Variants in EPHA7 observed in about 807,000 individuals in gnomAD.
The protein encoded by EPHA7 is EPH receptor A7.
EPHA7 carries 25 observed loss-of-function variants against 112.6 expected under a neutral mutation model. The observed-to-expected ratio is 0.22, with a 90% CI of 0.16 to 0.31. EPHA7 has a LOEUF of 0.31. Among genes scored for constraint, EPHA7 ranks in the 10% least tolerant of loss-of-function variants. The pLI is 1.00. For synonymous variants in EPHA7, 437 were observed against 406.5 expected, an observed-to-expected ratio of 1.07 and a Z score of -0.90; for missense variants, 962 against 1,212.6, an observed-to-expected ratio of 0.79 and a Z score of 3.07.
In EPHA7 at chr6:93,243,823, A is replaced by G. The variant is rs566572570; in HGVS notation, c.2883-283T>C. 1.6e-4 allele frequency among the ~76,000 whole-genome samples: 25 copies of G among 152,234 alleles called. No individual in the cohort carries two copies. The East Asian group carries it at 4.6e-3, about 28-fold the overall frequency. ...AAGAAATTATTAAAGTCTTAAAACT[A>G]TTATTAACTTAAGGAAAGGTTAGGA... On this transcript the variant is annotated intron_variant, in intron 16 of 16. Coordinates refer to ENST00000369303, the MANE Select transcript of EPHA7 (RefSeq NM_004440.4).
At chr6:93,258,672 A>AT (rs939770659) in intron 10 of EPHA7, among the ~76,000 whole-genome samples, 61 of 148,146 alleles carry the variant, frequency 4.1e-4, no homozygotes, top group Non-Finnish European at 8.3e-4. Flanking sequence ...ATATTTAAAA[A>AT]TTTTTTTATA....
intron 5 of EPHA7, among the ~76,000 whole-genome samples, chr6:93,344,992 C>A (rs893099068): frequency 6.6e-6 from 1 of 151,574 alleles, no homozygotes; most frequent in Non-Finnish European, 1.5e-5. Context: ...TTAAGCCCTA[C>A]CACCATTCGA....
intron 3 of EPHA7, among the ~76,000 whole-genome samples, chr6:93,377,550 T>TG (rs1777123370): frequency 1.3e-5 from 2 of 148,558 alleles, no homozygotes; most frequent in Admixed American, 6.7e-5. Flanking sequence ...TTTGAAAAAC[T>TG]AAAAAAAAAA....
intron 2 of EPHA7, among the ~76,000 whole-genome samples, chr6:93,412,745 T>A (rs1779039039): frequency 6.6e-6 from 1 of 151,988 alleles, no homozygotes; most frequent in Non-Finnish European, 1.5e-5. Context: ...TAATGATATC[T>A]ACCAAAAAAT....
intron 5 of EPHA7, among the ~76,000 whole-genome samples, chr6:93,302,937 A>T (rs1340274600): frequency 6.6e-6 from 1 of 152,138 alleles, no homozygotes; most frequent in Non-Finnish European, 1.5e-5. Flanking sequence ...AATAGGGGCC[A>T]CATGCTGTCA....
chr6:93,375,508 C>A (rs771698853), intron 3 of EPHA7, among the ~76,000 whole-genome samples: 2 of 151,472 alleles, frequency 1.3e-5, no homozygotes, highest in Non-Finnish European at 2.9e-5. Context: ...GTTCCAGCTA[C>A]TCGAGAGGCT....
intron 5 of EPHA7, among the ~76,000 whole-genome samples, chr6:93,293,966 G>A (rs1191518921): frequency 3.3e-5 from 5 of 152,074 alleles, no homozygotes; most frequent in Non-Finnish European, 7.4e-5. Context: ...TTCCCAGGTG[G>A]GCTACTCATT....
At chr6:93,245,092 T>A (rs1365001671) in intron 16 of EPHA7, among the ~76,000 whole-genome samples, 1 of 152,242 alleles carries the variant, frequency 6.6e-6, no homozygotes, top group Non-Finnish European at 1.5e-5. Flanking sequence ...TTCATACAAT[T>A]ATTGTTGTGA....
At chr6:93,393,415 C>G (rs558768930) in intron 3 of EPHA7, among the ~76,000 whole-genome samples, 11 of 151,596 alleles carry the variant, frequency 7.3e-5, no homozygotes, top group Non-Finnish European at 1.6e-4. Context: ...TATTTAGTAC[C>G]CTTTTAGTCT....
chr6:93,312,403 C>G (rs1156773779), intron 5 of EPHA7, among the ~76,000 whole-genome samples: 1 of 95,186 alleles, frequency 1.1e-5, no homozygotes, highest in Non-Finnish European at 2.2e-5. Flanking sequence ...ATGGAGATGG[C>G]TCCTTTTTTT....
chr6:93,278,475 G>C (rs1183372218), intron 5 of EPHA7, among the ~76,000 whole-genome samples: 1 of 152,018 alleles, frequency 6.6e-6, no homozygotes, highest in African/African-American at 2.4e-5. Context: ...TGACAATTCA[G>C]AATGGTTAAG....
In EPHA7 at chr6:93,241,634, A is replaced by T. The variant is rs939456233; in HGVS notation, c.*1792T>A. 9.1e-6 allele frequency: 2 copies of T among 219,502 alleles called. No individual in the cohort carries two copies. Among genetic ancestry groups the T allele is most frequent in the African/African-American group, 4.5e-5 (2 of 44,500 alleles). The allele number at this position is 219,502 out of a possible 1,614,324, so 13.6% of individuals were successfully genotyped here. On this transcript the variant is annotated 3_prime_UTR_variant, in exon 17 of 17. Transcript: ENST00000369303. ...TACAGTGATTTAAAACCAAAAAAAA[A>T]GGGTGGGGAGGGGTTTGGGAAGCAA...
intron 5 of EPHA7, among the ~76,000 whole-genome samples, chr6:93,293,626 C>A (rs1346314949): frequency 1.3e-5 from 2 of 152,072 alleles, no homozygotes; most frequent in African/African-American, 2.4e-5. Flanking sequence ...TAACAAGTGA[C>A]AATATCAACT....
At position 93,259,081 on chromosome 6, in the gene EPHA7, C is replaced by T. The variant is rs1341284988; in HGVS notation, c.1924+273G>A. Among the ~76,000 whole-genome samples the T allele has an allele frequency of 2.6e-5, 4 of 152,028 alleles. No homozygotes were observed. The East Asian group carries it at 7.7e-4, about 29-fold the overall frequency. On this transcript the variant is annotated intron_variant, in intron 10 of 16. Transcript: ENST00000369303. ...AAATACAAATTCATTTCTTAAATGACAGGCCAGAGCTATTATAAAGTAGCT... is the reference window on the plus strand; with the variant it reads ...AAATACAAATTCATTTCTTAAATGATAGGCCAGAGCTATTATAAAGTAGCT...
In EPHA7 at chr6:93,255,886, G is replaced by A; in HGVS notation, c.2324C>T (p.Ser775Leu). 1 of 1,614,042 alleles carries A rather than the reference G, an allele frequency of 6.2e-7. No homozygotes were observed. The highest frequency in any genetic ancestry group is 8.5e-7 in the Non-Finnish European group (1 of 1,179,982). Residue 775 changes from serine to leucine, a missense_variant, in exon 13 of 17, where the codon TCA (serine) becomes TTA (leucine). Physicochemically the swap from Ser to Leu is moderately radical, Grantham distance 145 (BLOSUM62 -2). Around this residue, in one of 3 missense-constraint regions of EPHA7, gnomAD observed 746 missense variants for 889.2 expected, o/e 0.84. Coordinates refer to ENST00000369303, the MANE Select transcript of EPHA7 (RefSeq NM_004440.4). ...LVNSNLVCKVSDFGLSRVIED... is the reference protein window; with the variant it reads ...LVNSNLVCKVLDFGLSRVIED... Reference sequence around the variant, plus strand: ...TATAACTCGGGACAGGCCAAAATCTGACACTTTACAAACGAGATTGCTGTT... The same window carrying A: ...TATAACTCGGGACAGGCCAAAATCTAACACTTTACAAACGAGATTGCTGTT...
At chr6:93,407,828 T>C (rs3799792) in intron 3 of EPHA7, among the ~76,000 whole-genome samples, 19,421 of 151,982 alleles carry the variant, frequency 0.13, 1,318 homozygotes, top group East Asian at 0.19. Flanking sequence ...TGAATGTAAG[T>C]AATTTTACAG....
intron 3 of EPHA7, among the ~76,000 whole-genome samples, chr6:93,387,978 G>GA (rs779707370): frequency 7.6e-6 from 1 of 131,652 alleles, no homozygotes; most frequent in African/African-American, 2.8e-5. Flanking sequence ...TAGATAGATA[G>GA]AATAGATAGA....
At chr6:93,407,290 A>G (rs1206374700) in intron 3 of EPHA7, among the ~76,000 whole-genome samples, 1 of 152,064 alleles carries the variant, frequency 6.6e-6, no homozygotes, top group African/African-American at 2.4e-5. Flanking sequence ...ACTCACTAGC[A>G]TCCTCTCCCA....
At chr6:93,301,897 C>CAT (rs1772995791) in intron 5 of EPHA7, among the ~76,000 whole-genome samples, 1 of 152,174 alleles carries the variant, frequency 6.6e-6, no homozygotes, top group Non-Finnish European at 1.5e-5. Flanking sequence ...AGTATAACCA[C>CAT]ATGCCTTACT....
Sources: gnomAD v4.1 joint callset for allele counts (sites outside exome capture counted in the v4.1 genomes callset) on GRCh38, gnomAD v4.1.1 for gene constraint, gnomAD v4.1.1 regional missense constraint, MANE v1.5 for transcripts, NCBI Gene and HGNC (gene_info 2026-07-23, HGNC 2026-07-21) for gene names.